Variants in TMEM267 observed in about 807,000 individuals in gnomAD.
TMEM267 encodes transmembrane protein 267, also known as transmembrane protein C5orf28.
TMEM267 carries 20 observed loss-of-function variants against 19.3 expected under a neutral mutation model. The observed-to-expected ratio is 1.04, with a 90% CI of 0.73 to 1.51. TMEM267 has a LOEUF of 1.51. Among genes scored for constraint, TMEM267 ranks in the 40% most tolerant of loss-of-function variants. TMEM267 has a pLI of 0.00. For synonymous variants in TMEM267, 88 were observed against 90.3 expected (o/e 0.97, Z 0.15); for missense variants, 242 against 261.9 (o/e 0.92, Z 0.52).
intron 1 of TMEM267, among the ~76,000 whole-genome samples, chr5:43,471,895 G>A (rs1744101178): frequency 6.6e-6 from 1 of 152,066 alleles, no homozygotes; most frequent in African/African-American, 2.4e-5. Flanking sequence ...AAAATTTCTT[G>A]ACCAATATCC....
At chr5:43,466,282 C>T (rs529087017) in intron 1 of TMEM267, among the ~76,000 whole-genome samples, 47 of 152,106 alleles carry the variant, frequency 3.1e-4, no homozygotes, top group African/African-American at 9.7e-5. Context: ...TACTATAGAG[C>T]TTCAATACAT....
chr5:43,464,178 T>C (rs1426932505), intron 1 of TMEM267, among the ~76,000 whole-genome samples: 23 of 151,426 alleles, frequency 1.5e-4, no homozygotes, highest in South Asian at 4.2e-4. Flanking sequence ...AACAGAGAGC[T>C]AAATCATGAG....
intron 2 of TMEM267, 72 bp downstream of exon 2, chr5:43,453,586 T>C: frequency 1.5e-6 from 2 of 1,331,510 alleles, no homozygotes; most frequent in Non-Finnish European, 2.1e-6. Context: ...TAGTTCTAAA[T>C]GATGCTGTAA....
In TMEM267 at chr5:43,457,038, CAT is replaced by C. The variant is rs541937004; in HGVS notation, c.-74-2997_-74-2996del. Among the ~76,000 whole-genome samples, 102 of 152,224 alleles carry C rather than the reference CAT, an allele frequency of 6.7e-4. 1 individual carries two copies. Among genetic ancestry groups the C allele is most frequent in the African/African-American group, 2.3e-3 (95 of 41,536 alleles). The stretch of plus-strand genomic sequence containing the variant: ...AAAAGGTGGAATAAAAAGGAACAAA[CAT>C]GTGATACACATAAAAACATGAATGA... On this transcript the variant is annotated intron_variant, in intron 1 of 2. Transcript: ENST00000397080.
chr5:43,483,883 G>A (rs1411910004), upstream of TMEM267: 1 of 152,278 alleles, frequency 6.6e-6, no homozygotes, highest in Non-Finnish European at 1.5e-5. Flanking sequence ...CTCGGTCGGA[G>A]CCATAGAGAC....
intron 2 of TMEM267, among the ~76,000 whole-genome samples, chr5:43,450,352 A>G (rs2112022437): frequency 6.6e-6 from 1 of 152,302 alleles, no homozygotes; most frequent in East Asian, 1.9e-4. Context: ...TTATCATAGA[A>G]TCATAGAAGT....
intron 1 of TMEM267, among the ~76,000 whole-genome samples, chr5:43,471,557 AG>A (rs1744073700): frequency 6.6e-6 from 1 of 152,214 alleles, no homozygotes; most frequent in Non-Finnish European, 1.5e-5. Context: ...ACAGAGCTAT[AG>A]TAACCAAAAC....
Position 43,454,036 on chromosome 5 carries a change from C to T in TMEM267, c.-67G>A. ...GAACAGTCTATTCTTGTTTACATTT[C>T]CAGCACCCTAAAGGAGAAAGTAGAG... On this transcript the variant is annotated 5_prime_UTR_variant, in exon 2 of 3. Transcript: ENST00000397080. 6.5e-7 allele frequency: 1 copy of T among 1,540,570 alleles called. No homozygotes were observed. Among genetic ancestry groups the T allele is most frequent in the Non-Finnish European group, 8.7e-7 (1 of 1,144,814 alleles).
At chr5:43,462,945 G>C (rs1743363528) in intron 1 of TMEM267, among the ~76,000 whole-genome samples, 1 of 152,076 alleles carries the variant, frequency 6.6e-6, no homozygotes, top group African/African-American at 2.4e-5. Context: ...AATCAGAGCA[G>C]AACTGAAGGA....
chr5:43,473,773 A>T (rs993141664), intron 1 of TMEM267, among the ~76,000 whole-genome samples: 10 of 152,368 alleles, frequency 6.6e-5, no homozygotes, highest in Non-Finnish European at 1.3e-4. Flanking sequence ...TAAATTTCAC[A>T]TGGAACCAAA....
At chr5:43,482,369 T>C (rs888581094) in intron 1 of TMEM267, among the ~76,000 whole-genome samples, 1 of 152,228 alleles carries the variant, frequency 6.6e-6, no homozygotes, top group African/African-American at 2.4e-5. Flanking sequence ...CTGTATTACT[T>C]ATTGTCTCTG....
chr5:43,477,590 C>CAAAAAA (rs10717949), intron 1 of TMEM267, among the ~76,000 whole-genome samples: 2 of 80,608 alleles, frequency 2.5e-5, no homozygotes, highest in Non-Finnish European at 2.5e-5. Flanking sequence ...GACTCCGTCT[C>CAAAAAA]AAAAAAAAAA....
In TMEM267 at chr5:43,481,873, C is replaced by T. The variant is rs138746874; in HGVS notation, c.-75+1949G>A. 1.8e-4 allele frequency among the ~76,000 whole-genome samples: 28 copies of T among 152,252 alleles called. No homozygotes were observed. The East Asian group carries it at 2.3e-3, about 13-fold the overall frequency. Reference sequence around the variant, plus strand: ...TTGTGTTTTGTGTGAGATGGTTCCTCGCTCTGTCACCCAGGCTGGAGTGCA... The same window carrying T: ...TTGTGTTTTGTGTGAGATGGTTCCTTGCTCTGTCACCCAGGCTGGAGTGCA... On this transcript the variant is annotated intron_variant, in intron 1 of 2. Transcript: ENST00000397080.
chr5:43,448,090 G>A (rs571088921), intron 2 of TMEM267, among the ~76,000 whole-genome samples: 1 of 152,276 alleles, frequency 6.6e-6, no homozygotes, highest in African/African-American at 2.4e-5. Context: ...CTATTAAAGA[G>A]ACTCTACCTT....
chr5:43,453,251 CAT>C (rs1415726631), intron 2 of TMEM267, among the ~76,000 whole-genome samples: 1 of 152,156 alleles, frequency 6.6e-6, no homozygotes, highest in Non-Finnish European at 1.5e-5. Context: ...AACTGTAAAA[CAT>C]AAAGAATAAG....
intron 1 of TMEM267, among the ~76,000 whole-genome samples, chr5:43,473,798 A>G (rs949702883): frequency 6.6e-6 from 1 of 152,194 alleles, no homozygotes; most frequent in African/African-American, 2.4e-5. Context: ...AGCATGCATA[A>G]ATAGCCAAGA....
chr5:43,468,349 G>A (rs1743871999), intron 1 of TMEM267, among the ~76,000 whole-genome samples: 1 of 152,128 alleles, frequency 6.6e-6, no homozygotes, highest in African/African-American at 2.4e-5. Context: ...TCTTGGATGT[G>A]CTGGGAGTCA....
intron 2 of TMEM267, among the ~76,000 whole-genome samples, chr5:43,449,989 T>G (rs1006073553): frequency 3.4e-4 from 51 of 150,952 alleles, no homozygotes; most frequent in South Asian, 2.7e-3. Flanking sequence ...AATGTAGCGT[T>G]TTTTTTTTTG....
intron 1 of TMEM267, among the ~76,000 whole-genome samples, chr5:43,463,558 G>A (rs1743414261): frequency 6.6e-6 from 1 of 152,030 alleles, no homozygotes; most frequent in African/African-American, 2.4e-5. Context: ...CTGGCAAACC[G>A]AATCCAGCAG....
Sources: gnomAD v4.1 joint callset for allele counts (sites outside exome capture counted in the v4.1 genomes callset) on GRCh38, gnomAD v4.1.1 for gene constraint, MANE v1.5 for transcripts, NCBI Gene and HGNC (gene_info 2026-07-23, HGNC 2026-07-21) for gene names.